Variants in NPHS1 observed in about 807,000 individuals in gnomAD.
NPHS1 encodes NPHS1 adhesion molecule, nephrin.
In NPHS1, 107 loss-of-function variants were observed where a neutral mutation model predicts 139.7. The observed-to-expected ratio is 0.77, with a 90% CI of 0.66 to 0.90. The LOEUF is 0.90. NPHS1 is among the 40% of genes least tolerant of loss of function. The probability of loss-of-function intolerance (pLI) is 0.00; values close to 1 mark genes in which losing one functional copy is unlikely to be tolerated. For synonymous variants in NPHS1, 707 were observed against 706.6 expected (o/e 1.00, Z -0.01); for missense variants, 1,580 against 1,654.2 (o/e 0.96, Z 0.78).
At chr19:35,850,859 A>T in intron 4 of NPHS1, 102 bp downstream of exon 4, 1 of 1,452,884 alleles carries the variant, frequency 6.9e-7, no homozygotes, top group Non-Finnish European at 9.4e-7. Flanking sequence ...CAGGGATGAC[A>T]TCTTTTCTGG....
At position 35,845,620 on chromosome 19, in the gene NPHS1, G is replaced by A. The variant is rs1166358629; in HGVS notation, c.1757+49C>T. 1.2e-6 allele frequency: 2 copies of A among 1,608,026 alleles called. No homozygotes were observed. The highest frequency in any genetic ancestry group is 2.2e-5 in the East Asian group (1 of 44,636). ...ACTAGGCGGGGGCGGGACATGCGTG[G>A]AGGGGGCGAGGCCAGACCAGAGAGG... On this transcript the variant is annotated intron_variant, in intron 13 of 28. Coordinates refer to ENST00000378910, the MANE Select transcript of NPHS1 (RefSeq NM_004646.4). This position sits in a 1 kb window ranked among gnomAD's most constrained non-coding sequence, Gnocchi z 5.5.
intron 19 of NPHS1, 84 bp from the exon 20 acceptor site, chr19:35,841,950 G>T: frequency 2.0e-6 from 3 of 1,472,042 alleles, no homozygotes; most frequent in Non-Finnish European, 2.8e-6. Context: ...ATCCATTAAT[G>T]TAACCGTCTG....
At chr19:35,834,430 T>C (rs1210529095) in intron 23 of NPHS1, among the ~76,000 whole-genome samples, 1 of 152,108 alleles carries the variant, frequency 6.6e-6, no homozygotes, top group Non-Finnish European at 1.5e-5. Flanking sequence ...CTCAGAATCA[T>C]GAGGAAGAAT....
intron 11 of NPHS1, among the ~76,000 whole-genome samples, chr19:35,847,676 T>C (rs368022135): frequency 9.9e-5 from 15 of 151,986 alleles, no homozygotes; most frequent in East Asian, 9.7e-4. Flanking sequence ...GCATTGTTTT[T>C]TTTTTTTTTC....
At position 35,848,623 on chromosome 19, in the gene NPHS1, G is replaced by A; in HGVS notation, c.1170+14C>T. The stretch of plus-strand genomic sequence containing the variant: ...CCTCCATGCTCAGACCCAGGAGCCT[G>A]GCCCCCGCCTCACATCCATGACTGT... On this transcript the variant is annotated intron_variant, in intron 9 of 28. Transcript: ENST00000378910. 1.2e-6 allele frequency: 2 copies of A among 1,612,690 alleles called. No individual in the cohort carries two copies. Among genetic ancestry groups the A allele is most frequent in the Non-Finnish European group, 1.7e-6 (2 of 1,179,912 alleles).
intron 11 of NPHS1, among the ~76,000 whole-genome samples, chr19:35,847,344 CTTTTTT>C (rs34920536): frequency 5.0e-5 from 3 of 59,882 alleles, no homozygotes; most frequent in African/African-American, 1.6e-4. Flanking sequence ...TGTGCCCAGC[CTTTTTT>C]TTTTTTTTTT....
At chr19:35,847,327 G>A (rs1289814360) in intron 11 of NPHS1, among the ~76,000 whole-genome samples, 1 of 142,242 alleles carries the variant, frequency 7.0e-6, no homozygotes, top group East Asian at 2.2e-4. Context: ...TTACAGGCGT[G>A]AGCCACTGTG....
intron 4 of NPHS1, among the ~76,000 whole-genome samples, chr19:35,850,677 G>T (rs1241834219): frequency 6.6e-6 from 1 of 152,134 alleles, no homozygotes. Flanking sequence ...TTGCTGGGTT[G>T]TACCATGCAC....
At chr19:35,826,879 T>C (rs943940335) in intron 28 of NPHS1, among the ~76,000 whole-genome samples, 2 of 152,246 alleles carry the variant, frequency 1.3e-5, no homozygotes, top group Non-Finnish European at 2.9e-5. Context: ...CTCATGCCTA[T>C]AATTCCAGCA....
At chr19:35,842,071 G>A in intron 19 of NPHS1, 53 bp downstream of exon 19, 1 of 1,569,516 alleles carries the variant, frequency 6.4e-7, no homozygotes, top group Non-Finnish European at 8.7e-7. Flanking sequence ...GGGAAGTGGG[G>A]CTGGAGGTCC....
At position 35,846,211 on chromosome 19, in the gene NPHS1, A is replaced by T; in HGVS notation, c.1441-17T>A. 1 of 1,569,740 alleles carries T rather than the reference A, an allele frequency of 6.4e-7. No individual in the cohort carries two copies. Among genetic ancestry groups the T allele is most frequent in the Non-Finnish European group, 8.6e-7 (1 of 1,162,030 alleles). On this transcript the variant is annotated splice_polypyrimidine_tract_variant and intron_variant, in intron 11 of 28. Transcript: ENST00000378910. The stretch of plus-strand genomic sequence containing the variant: ...GCGCGAGTCCTACGGGCCGGGAGTG[A>T]CTGGGGTTCGCAGGCAGCCCTGCCG...
chr19:35,830,707 C>A, intron 28 of NPHS1, 137 bp downstream of exon 28: 1 of 742,828 alleles, frequency 1.3e-6, no homozygotes. Context: ...TCATGCCCAG[C>A]CGACTGTCTT....
intron 3 of NPHS1, 85 bp downstream of exon 3, chr19:35,851,177 G>A: frequency 6.2e-7 from 1 of 1,613,002 alleles, no homozygotes; most frequent in East Asian, 2.2e-5. Context: ...GGAGAGGAGA[G>A]GCTGGGGGCT....
At chr19:35,832,043 A>G (rs2031006214) in intron 23 of NPHS1, among the ~76,000 whole-genome samples, 1 of 152,198 alleles carries the variant, frequency 6.6e-6, no homozygotes, top group Admixed American at 6.5e-5. Context: ...CTGGGCACTG[A>G]AGACTTTCTG....
chr19:35,825,607 T>C lies in NPHS1; in HGVS notation c.*907A>G, dbSNP rs146296157. ...TGTGCTCTCTGCCACCGTAGATTAG[T>C]TTTGCCTATTTTAGAATTTCTATAA... On this transcript the variant is annotated 3_prime_UTR_variant, in exon 29 of 29. Coordinates refer to ENST00000378910, the MANE Select transcript of NPHS1 (RefSeq NM_004646.4). Among the ~76,000 whole-genome samples, 696 of 152,238 alleles carry C rather than the reference T, an allele frequency of 4.6e-3. 3 individuals carry two copies. Among genetic ancestry groups the C allele is most frequent in the African/African-American group, 0.016 (663 of 41,544 alleles).
chr19:35,849,125 G>T lies in NPHS1; in HGVS notation c.863C>A (p.Ala288Glu), dbSNP rs769782457. 1.2e-6 allele frequency: 2 copies of T among 1,609,760 alleles called. No individual in the cohort carries two copies. Among genetic ancestry groups the T allele is most frequent in the Non-Finnish European group, 1.7e-6 (2 of 1,180,012 alleles). The change falls in exon 8 of 29, where the codon GCG becomes GAG. Residue 288 changes from alanine to glutamate, a missense_variant. Ala to Glu is a moderately radical substitution (Grantham distance 107). Coordinates refer to ENST00000378910, the MANE Select transcript of NPHS1 (RefSeq NM_004646.4). The stretch of plus-strand genomic sequence containing the variant: ...CGCCTGGGTGTGCTCTGTGCCCCAC[G>T]CTGTGGACACCGGCTGGCCATTCTG... The part of the protein sequence containing the change: ...WLKNGQPVST[A>E]WGTEHTQAVA...
Position 35,845,922 on chromosome 19 carries a change from C to T in NPHS1, c.1627+86G>A, listed in dbSNP as rs998200270. On this transcript the variant is annotated intron_variant, in intron 12 of 28. Coordinates refer to ENST00000378910, the MANE Select transcript of NPHS1 (RefSeq NM_004646.4). The surrounding 1 kb of genome is among the most constrained non-coding windows in gnomAD (Gnocchi z 5.5). ...CCCACCCCGCCTCCGCCCGCTTTCCCCGGGTCCAGGGTTCGCTGGGTCCCT... is the reference window on the plus strand; with the variant it reads ...CCCACCCCGCCTCCGCCCGCTTTCCTCGGGTCCAGGGTTCGCTGGGTCCCT... The T allele has an allele frequency of 2.6e-6, 4 of 1,527,252 alleles. No individual in the cohort carries two copies. The African/African-American group carries it at 5.5e-5, about 21-fold the overall frequency. 94.6% of individuals were successfully genotyped at this position (1,527,252 alleles called of 1,614,324 possible).
chr19:35,831,570 T>C, intron 24 of NPHS1, 70 bp from the exon 25 acceptor site: 1 of 1,598,110 alleles, frequency 6.3e-7, no homozygotes, highest in South Asian at 1.1e-5. Flanking sequence ...AGGAAGACCT[T>C]CAGTATGCAG....
intron 28 of NPHS1, among the ~76,000 whole-genome samples, chr19:35,829,171 C>G (rs1410802509): frequency 6.6e-6 from 1 of 152,238 alleles, no homozygotes; most frequent in Non-Finnish European, 1.5e-5. Context: ...GGCCCCTACT[C>G]CCTGATCCCA....
Sources: gnomAD v4.1 joint callset for allele counts (sites outside exome capture counted in the v4.1 genomes callset) on GRCh38, gnomAD v4.1.1 for gene constraint, Gnocchi (gnomAD v3.1) non-coding constraint, MANE v1.5 for transcripts, NCBI Gene and HGNC (gene_info 2026-07-23, HGNC 2026-07-21) for gene names.